The following TLE4 variants were observed in gnomAD, a reference collection of about 807,000 sequenced individuals.
TLE4 encodes transducin-like enhancer protein 4.
In TLE4, 8 loss-of-function variants were observed where a neutral mutation model predicts 92.8. That is an observed-to-expected ratio of 0.09 (90% CI 0.05 to 0.16). The LOEUF is 0.16. Ranked by LOEUF, TLE4 falls within the 10% of genes least tolerant of loss-of-function variation. The probability of loss-of-function intolerance (pLI) is 1.00; values close to 1 mark genes in which losing one functional copy is unlikely to be tolerated. For synonymous variants in TLE4, 371 were observed against 374.1 expected, an observed-to-expected ratio of 0.99 and a Z score of 0.10; for missense variants, 675 against 997.6, an observed-to-expected ratio of 0.68 and a Z score of 4.36.
chr9:79,695,664 A>G lies in TLE4; in HGVS notation c.610-9119A>G, dbSNP rs575097245. ...AGATGAGATAAATAATCAAAAGAGT[A>G]GCCACAGCCACAGTGCTGGGAAGGA... On this transcript the variant is annotated intron_variant, in intron 8 of 19. Coordinates refer to ENST00000376552, the MANE Select transcript of TLE4 (RefSeq NM_007005.6). Among the ~76,000 whole-genome samples the G allele has an allele frequency of 2.0e-5, 3 of 152,330 alleles. No individual in the cohort carries two copies. The South Asian group carries it at 6.2e-4, about 32-fold the overall frequency.
intron 4 of TLE4, among the ~76,000 whole-genome samples, chr9:79,599,067 C>T (rs1454415636): frequency 6.6e-6 from 1 of 152,110 alleles, no homozygotes; most frequent in African/African-American, 2.4e-5. Flanking sequence ...CTCTTCTTTC[C>T]GTCCACAACA....
intron 8 of TLE4, among the ~76,000 whole-genome samples, chr9:79,657,045 T>A (rs1465194825): frequency 6.6e-6 from 1 of 152,142 alleles, no homozygotes; most frequent in Non-Finnish European, 1.5e-5. Context: ...AGGTGGAGAA[T>A]GTAAATATGG....
At chr9:79,573,305 C>A (rs749505002) in intron 1 of TLE4, 2 of 1,040,768 alleles carry the variant, frequency 1.9e-6, no homozygotes, top group South Asian at 3.3e-5. Flanking sequence ...CCTCCCTCCT[C>A]CCCCGGCCTG....
At position 79,718,717 on chromosome 9, in the gene TLE4, C is replaced by T. The variant is rs1565184874; in HGVS notation, c.1341-5C>T. ...CTCTTTCTTTTTTCCTCTCCATTGC[C>T]TTAGAGCATACTCCTTCCATGTTAG... On this transcript the variant is annotated splice_region_variant and splice_polypyrimidine_tract_variant and intron_variant, in intron 14 of 19. Transcript: ENST00000376552. 1.2e-6 allele frequency: 2 copies of T among 1,610,476 alleles called. No individual in the cohort carries two copies. Among genetic ancestry groups the T allele is most frequent in the South Asian group, 1.1e-5 (1 of 91,000 alleles).
intron 4 of TLE4, among the ~76,000 whole-genome samples, chr9:79,581,854 C>A (rs2039766466): frequency 6.6e-6 from 1 of 152,160 alleles, no homozygotes; most frequent in South Asian, 2.1e-4. Flanking sequence ...TTCTCTGCAA[C>A]TGCCTAGAGT....
chr9:79,649,565 G>C, intron 6 of TLE4: 1 of 196,122 alleles, frequency 5.1e-6, no homozygotes, highest in East Asian at 1.6e-4. Context: ...AGTTGAAGGA[G>C]CAGTGAAAAA....
intron 6 of TLE4, among the ~76,000 whole-genome samples, chr9:79,634,085 A>C (rs868058806): frequency 6.6e-6 from 1 of 152,190 alleles, no homozygotes; most frequent in South Asian, 2.1e-4. Flanking sequence ...AGAGTTATTT[A>C]ATGATTATGT....
chr9:79,672,790 G>A (rs1273010996), intron 8 of TLE4, among the ~76,000 whole-genome samples: 1 of 152,088 alleles, frequency 6.6e-6, no homozygotes, highest in African/African-American at 2.4e-5. Context: ...TTTCTTTGTA[G>A]AGATGTATGT....
chr9:79,611,743 AG>A (rs2048407536), intron 4 of TLE4, among the ~76,000 whole-genome samples: 2 of 152,020 alleles, frequency 1.3e-5, no homozygotes, highest in African/African-American at 4.8e-5. Flanking sequence ...AAAATATACA[AG>A]GCACCATCTG....
chr9:79,692,015 G>A (rs995142155), intron 8 of TLE4, among the ~76,000 whole-genome samples: 2 of 151,964 alleles, frequency 1.3e-5, no homozygotes, highest in Non-Finnish European at 2.9e-5. Context: ...CAAATAGTGG[G>A]GACTCAATAT....
At chr9:79,704,502 A>C in intron 8 of TLE4, 1 of 426,480 alleles carries the variant, frequency 2.3e-6, no homozygotes, top group East Asian at 4.0e-5. Flanking sequence ...AATTCCTGCC[A>C]CCCTTTTTAT....
chr9:79,578,716 T>G (rs2131953767), intron 4 of TLE4, among the ~76,000 whole-genome samples: 1 of 152,298 alleles, frequency 6.6e-6, no homozygotes, highest in Non-Finnish European at 1.5e-5. Flanking sequence ...TAAATTGGAT[T>G]TAATCTTAAT....
rs543790382 is a variant in TLE4, at chr9:79,692,243, C to T, written c.610-12540C>T. On this transcript the variant is annotated intron_variant, in intron 8 of 19. Coordinates refer to ENST00000376552, the MANE Select transcript of TLE4 (RefSeq NM_007005.6). ...TGAATTCTGCAAGTTGGAGGAAGAG[C>T]GCGACTTCTGAAGAGAACACCAATC... 1.7e-4 allele frequency among the ~76,000 whole-genome samples: 26 copies of T among 152,252 alleles called. No individual in the cohort carries two copies. The South Asian group carries it at 4.1e-3, about 24-fold the overall frequency.
chr9:79,683,901 T>C (rs1448923792), intron 8 of TLE4, among the ~76,000 whole-genome samples: 1 of 152,208 alleles, frequency 6.6e-6, no homozygotes, highest in Non-Finnish European at 1.5e-5. Flanking sequence ...AGAAATGGTA[T>C]TGGTGAAGCT....
At chr9:79,626,873 CA>C (rs2052750388) in intron 5 of TLE4, among the ~76,000 whole-genome samples, 1 of 152,198 alleles carries the variant, frequency 6.6e-6, no homozygotes, top group East Asian at 1.9e-4. Context: ...ACAATTTGCA[CA>C]TTTCCAGAAG....
chr9:79,641,490 G>A lies in TLE4; in HGVS notation c.391-11103G>A, dbSNP rs2057136329. Among the ~76,000 whole-genome samples the A allele has an allele frequency of 2.6e-5, 4 of 152,094 alleles. No homozygotes were observed. In the South Asian group the frequency reaches 8.3e-4, roughly 32 times the overall value. On this transcript the variant is annotated intron_variant, in intron 6 of 19. Transcript: ENST00000376552. ...ACAGCCTGATTCCCAGAATATACTT[G>A]TATTCTACCCGACTTCCCCATTGCT...
intron 12 of TLE4, 83 bp from the exon 13 acceptor site, chr9:79,708,510 T>G: frequency 7.6e-7 from 1 of 1,317,410 alleles, no homozygotes; most frequent in Non-Finnish European, 1.0e-6. Context: ...GAACCATAGA[T>G]TCTATTTTGT....
chr9:79,616,068 ATTC>A (rs1237737074), intron 5 of TLE4, among the ~76,000 whole-genome samples: 4 of 152,144 alleles, frequency 2.6e-5, no homozygotes, highest in Non-Finnish European at 4.4e-5. Flanking sequence ...ACTCAAATTT[ATTC>A]TTCAAAAAGC....
chr9:79,615,517 T>G (rs947933560), intron 5 of TLE4, among the ~76,000 whole-genome samples: 1 of 152,196 alleles, frequency 6.6e-6, no homozygotes, highest in Non-Finnish European at 1.5e-5. Flanking sequence ...TTTTGGAGTT[T>G]GACAGGAACA....
Sources: gnomAD v4.1 joint callset for allele counts (sites outside exome capture counted in the v4.1 genomes callset) on GRCh38, gnomAD v4.1.1 for gene constraint, MANE v1.5 for transcripts, NCBI Gene and HGNC (gene_info 2026-07-23, HGNC 2026-07-21) for gene names.